NRXN1: variants seen among roughly 807,000 people sequenced by gnomAD.
NRXN1 encodes the protein neurexin 1, also known as neurexin-1.
Under a neutral mutation model 150.9 loss-of-function variants are expected in NRXN1, and 39 were observed. That is an observed-to-expected ratio of 0.26 (90% CI 0.20 to 0.34). The LOEUF is 0.34. NRXN1 is among the 10% of genes least tolerant of loss of function. The pLI, the probability that NRXN1 is intolerant of heterozygous loss-of-function variation, is 1.00. For missense variants in NRXN1, 1,815 were observed against 1,949.9 expected, an observed-to-expected ratio of 0.93 and a Z score of 1.30; for synonymous variants, 924 against 757.0, an observed-to-expected ratio of 1.22 and a Z score of -3.62.
chr2:50,477,991 G>A (rs1448374088), intron 15 of NRXN1, among the ~76,000 whole-genome samples: 1 of 152,052 alleles, frequency 6.6e-6, no homozygotes, highest in Non-Finnish European at 1.5e-5. Context: ...CTATGGGAAG[G>A]GTGCCTTTCG....
chr2:50,561,504 C>T (rs1008676460), intron 8 of NRXN1, among the ~76,000 whole-genome samples: 15 of 152,166 alleles, frequency 9.9e-5, no homozygotes, highest in African/African-American at 3.6e-4. Context: ...GCATCAATCT[C>T]TGATCAAAAT....
chr2:50,843,681 C>T (rs1319168663), intron 5 of NRXN1, among the ~76,000 whole-genome samples: 2 of 152,158 alleles, frequency 1.3e-5, no homozygotes, highest in Non-Finnish European at 2.9e-5. Flanking sequence ...CACACATTTA[C>T]TATTTCATTG....
chr2:50,292,797 T>A (rs1411141702), intron 17 of NRXN1, among the ~76,000 whole-genome samples: 1 of 152,202 alleles, frequency 6.6e-6, no homozygotes, highest in East Asian at 1.9e-4. Context: ...AGGCTCTTTT[T>A]AAATTATCTT....
chr2:50,100,843 C>A (rs994486193), intron 18 of NRXN1, among the ~76,000 whole-genome samples: 3 of 151,978 alleles, frequency 2.0e-5, no homozygotes, highest in Non-Finnish European at 4.4e-5. Context: ...TAAAGAATGT[C>A]TTTTATTATT....
intron 17 of NRXN1, among the ~76,000 whole-genome samples, chr2:50,254,979 G>C (rs932028202): frequency 2.0e-5 from 3 of 151,856 alleles, no homozygotes; most frequent in Admixed American, 2.0e-4. Context: ...GCTAATTTTT[G>C]TATTTTTTTG....
intron 18 of NRXN1, among the ~76,000 whole-genome samples, chr2:50,222,679 T>C (rs2063989178): frequency 1.3e-5 from 2 of 151,946 alleles, no homozygotes; most frequent in Non-Finnish European, 1.5e-5. Context: ...ATGCATGTTA[T>C]GAGGTAAATA....
chr2:50,117,087 G>A (rs1277103315), intron 18 of NRXN1, among the ~76,000 whole-genome samples: 3 of 152,096 alleles, frequency 2.0e-5, no homozygotes, highest in African/African-American at 7.2e-5. Context: ...AAAGGGAGAA[G>A]TAGATATTTT....
chr2:50,788,338 C>T (rs1278898417), intron 5 of NRXN1, among the ~76,000 whole-genome samples: 1 of 152,018 alleles, frequency 6.6e-6, no homozygotes, highest in East Asian at 1.9e-4. Flanking sequence ...TCCGCCGCCT[C>T]GGCCTCCTAA....
chr2:50,143,032 G>A (rs1707496848), intron 18 of NRXN1, among the ~76,000 whole-genome samples: 1 of 151,798 alleles, frequency 6.6e-6, no homozygotes, highest in South Asian at 2.1e-4. Flanking sequence ...CCTTCTTTAT[G>A]AGCCTGTTTG....
intron 5 of NRXN1, among the ~76,000 whole-genome samples, chr2:50,867,304 A>C (rs535175121): frequency 6.6e-6 from 1 of 151,916 alleles, no homozygotes; most frequent in Admixed American, 6.6e-5. Flanking sequence ...AATTCATGGG[A>C]CCCTATTTAA....
intron 5 of NRXN1, among the ~76,000 whole-genome samples, chr2:50,717,119 C>A (rs1255822738): frequency 2.0e-5 from 3 of 152,080 alleles, no homozygotes; most frequent in South Asian, 2.1e-4. Flanking sequence ...AATTTGATTT[C>A]TTTGTATCCT....
At chr2:50,925,832 G>A in intron 3 of NRXN1, 106 bp downstream of exon 3, 1 of 846,748 alleles carries the variant, frequency 1.2e-6, no homozygotes, top group Non-Finnish European at 2.0e-6. Context: ...ACCAACAAAT[G>A]TTCAGAAAGA....
intron 15 of NRXN1, among the ~76,000 whole-genome samples, chr2:50,480,057 GC>G (rs1429462414): frequency 1.3e-5 from 2 of 152,180 alleles, no homozygotes; most frequent in Non-Finnish European, 2.9e-5. Flanking sequence ...ACAGGCGTAA[GC>G]CACCATGCCC....
intron 22 of NRXN1, among the ~76,000 whole-genome samples, chr2:49,936,342 C>T (rs1296731626): frequency 6.6e-6 from 1 of 152,210 alleles, no homozygotes; most frequent in African/African-American, 2.4e-5. Flanking sequence ...AGCGACCTCA[C>T]TACAAGGCAG....
chr2:50,612,218 T>G (rs566725412), intron 8 of NRXN1, among the ~76,000 whole-genome samples: 1 of 149,354 alleles, frequency 6.7e-6, no homozygotes, highest in East Asian at 2.0e-4. Flanking sequence ...CAAATAGGGA[T>G]AGTATTTATG....
intron 17 of NRXN1, among the ~76,000 whole-genome samples, chr2:50,261,708 A>G (rs1558399670): frequency 1.3e-5 from 2 of 151,934 alleles, no homozygotes; most frequent in Admixed American, 6.6e-5. Flanking sequence ...ATATGTAAAA[A>G]TACTATTTCT....
At chr2:50,007,373 C>T (rs1427580596) in intron 21 of NRXN1, among the ~76,000 whole-genome samples, 2 of 151,886 alleles carry the variant, frequency 1.3e-5, no homozygotes, top group Non-Finnish European at 2.9e-5. Flanking sequence ...CACATTTTGA[C>T]GTTTGAGGGG....
intron 9 of NRXN1, among the ~76,000 whole-genome samples, chr2:50,539,856 G>A (rs2093350597): frequency 6.6e-6 from 1 of 152,160 alleles, no homozygotes; most frequent in African/African-American, 2.4e-5. Context: ...CAGAAGTAAG[G>A]ACAAAAAGAA....
chr2:50,215,795 C>T (rs1437862607), intron 18 of NRXN1, among the ~76,000 whole-genome samples: 1 of 151,972 alleles, frequency 6.6e-6, no homozygotes, highest in African/African-American at 2.4e-5. Context: ...GCAGAGCAGG[C>T]AATTATTTTT....
Sources: allele counts gnomAD v4.1 joint callset (sites outside exome capture counted in the v4.1 genomes callset), GRCh38; gene constraint gnomAD v4.1.1; transcripts MANE v1.5; gene names NCBI Gene and HGNC (gene_info 2026-07-23, HGNC 2026-07-21).